The following CALN1 variants were observed in gnomAD, a reference collection of about 807,000 sequenced individuals.
CALN1 encodes calcium-binding protein 8.
A neutral mutation model predicts 30.6 loss-of-function variants in CALN1; 17 were observed. That is an observed-to-expected ratio of 0.56 (90% CI 0.38 to 0.83). The LOEUF is 0.83. Among genes scored for constraint, CALN1 ranks in the 40% least tolerant of loss-of-function variants. The pLI is 0.00. For synonymous variants in CALN1, 156 were observed against 131.4 expected, an observed-to-expected ratio of 1.19 and a Z score of -1.28; for missense variants, 291 against 354.9, an observed-to-expected ratio of 0.82 and a Z score of 1.45.
chr7:72,327,782 G>C (rs1338089680), intron 2 of CALN1, among the ~76,000 whole-genome samples: 1 of 152,138 alleles, frequency 6.6e-6, no homozygotes, highest in East Asian at 1.9e-4. Flanking sequence ...TATAAATTAT[G>C]CTTTCAGTAA....
chr7:72,369,486 C>T (rs1276922039), intron 2 of CALN1, among the ~76,000 whole-genome samples: 1 of 151,622 alleles, frequency 6.6e-6, no homozygotes. Flanking sequence ...CTCAGCCTCC[C>T]GAGTAGCTGG....
intron 2 of CALN1, among the ~76,000 whole-genome samples, chr7:72,334,447 G>A (rs1801875296): frequency 6.6e-6 from 1 of 152,058 alleles, no homozygotes; most frequent in African/African-American, 2.4e-5. Flanking sequence ...ATTTATGAAC[G>A]GATCAGAAGC....
In CALN1 at chr7:71,954,664, G is replaced by A. The variant is rs1467360884; in HGVS notation, c.501+68993C>T. 3.3e-5 allele frequency among the ~76,000 whole-genome samples: 5 copies of A among 152,044 alleles called. No homozygotes were observed. In the East Asian group the frequency reaches 7.7e-4, roughly 24 times the overall value. On this transcript the variant is annotated intron_variant, in intron 5 of 6. Transcript: ENST00000395275. ...AAGACCCTGTCTCAAACATTAAAAA[G>A]AAGATACGGATTGAGAATTGACTGT...
At chr7:71,993,158 C>A (rs958203565) in intron 5 of CALN1, among the ~76,000 whole-genome samples, 1 of 152,046 alleles carries the variant, frequency 6.6e-6, no homozygotes, top group African/African-American at 2.4e-5. Flanking sequence ...TTCCTACAGG[C>A]TGAGGATGTA....
chr7:72,413,087 TCA>T (rs1807278514), upstream of CALN1, among the ~76,000 whole-genome samples: 1 of 152,100 alleles, frequency 6.6e-6, no homozygotes, highest in African/African-American at 2.4e-5. Context: ...CTGGCAGAGA[TCA>T]CAGAGGCAGG....
chr7:72,410,982 A>C (rs902998319), intron 1 of CALN1, among the ~76,000 whole-genome samples: 2 of 152,240 alleles, frequency 1.3e-5, no homozygotes, highest in Non-Finnish European at 2.9e-5. Flanking sequence ...ATATGATTAT[A>C]TGTATGGAAA....
chr7:72,212,656 A>C (rs74916419), intron 3 of CALN1, among the ~76,000 whole-genome samples: 8,662 of 151,606 alleles, frequency 0.057, 451 homozygotes, highest in African/African-American at 0.14. Context: ...CACTACAAAG[A>C]ATAAAAAATG....
intron 5 of CALN1, among the ~76,000 whole-genome samples, chr7:71,850,873 T>C (rs1790597715): frequency 1.0e-5 from 1 of 97,270 alleles, no homozygotes; most frequent in Non-Finnish European, 1.9e-5. Context: ...CAATACATAT[T>C]TGAAATGAAT....
At chr7:71,890,288 C>G (rs1793164741) in intron 5 of CALN1, among the ~76,000 whole-genome samples, 1 of 152,264 alleles carries the variant, frequency 6.6e-6, no homozygotes, top group South Asian at 2.1e-4. Context: ...TTTTTAGGAA[C>G]AGAACCCAAG....
At chr7:72,430,525 G>C (rs1449858950) in intron 1 of CALN1, among the ~76,000 whole-genome samples, 3 of 152,076 alleles carry the variant, frequency 2.0e-5, no homozygotes, top group South Asian at 2.1e-4. Flanking sequence ...GTCAACACTT[G>C]GGATGTTGTT....
chr7:72,414,831 C>T (rs542977737), upstream of CALN1, among the ~76,000 whole-genome samples: 5 of 152,312 alleles, frequency 3.3e-5, no homozygotes, highest in East Asian at 7.7e-4. Context: ...AAATATATAT[C>T]CTGAATTCCA....
intron 3 of CALN1, among the ~76,000 whole-genome samples, chr7:72,117,468 T>C (rs936368313): frequency 6.6e-6 from 1 of 152,192 alleles, no homozygotes; most frequent in Non-Finnish European, 1.5e-5. Context: ...GTCTGCATTT[T>C]AATCTTAATG....
intron 2 of CALN1, among the ~76,000 whole-genome samples, chr7:72,325,399 G>A (rs962060026): frequency 9.2e-5 from 14 of 151,594 alleles, no homozygotes; most frequent in African/African-American, 2.4e-4. Flanking sequence ...TCAAGAGTTC[G>A]AGACCAGCCT....
At chr7:72,234,501 C>T (rs1261436706) in intron 3 of CALN1, among the ~76,000 whole-genome samples, 1 of 151,928 alleles carries the variant, frequency 6.6e-6, no homozygotes, top group African/African-American at 2.4e-5. Context: ...GGCTGGAATG[C>T]CATGGCGCGA....
rs558300905 is a variant in CALN1, at chr7:71,983,460, T to C, written c.501+40197A>G. ...TCACACATACACACACCCACATATG[T>C]GCACACACATACACACAGAGGAAGT... On this transcript the variant is annotated intron_variant, in intron 5 of 6. Transcript: ENST00000395275. Among the ~76,000 whole-genome samples the C allele has an allele frequency of 5.4e-4, 83 of 152,330 alleles. 1 individual carries two copies. In the South Asian group the frequency reaches 0.017, roughly 31 times the overall value.
intron 5 of CALN1, among the ~76,000 whole-genome samples, chr7:72,010,440 C>T (rs578046851): frequency 1.3e-5 from 2 of 152,178 alleles, no homozygotes; most frequent in South Asian, 4.2e-4. Context: ...TGAGAGAATT[C>T]AATAAGGCAG....
chr7:72,288,215 G>A (rs993541034), intron 2 of CALN1, among the ~76,000 whole-genome samples: 10 of 152,184 alleles, frequency 6.6e-5, no homozygotes, highest in South Asian at 2.1e-4. Context: ...CTTTGTTCAC[G>A]TGAGTTGGGA....
At chr7:71,929,442 C>T (rs1168251433) in intron 5 of CALN1, among the ~76,000 whole-genome samples, 11 of 152,214 alleles carry the variant, frequency 7.2e-5, no homozygotes, top group Admixed American at 7.2e-4. Context: ...CCAGCTTCAT[C>T]CATGCCTCTG....
chr7:71,867,904 TTA>T (rs1395687443), intron 5 of CALN1, among the ~76,000 whole-genome samples: 3 of 152,208 alleles, frequency 2.0e-5, no homozygotes, highest in Non-Finnish European at 2.9e-5. Context: ...GACTCAGTTC[TTA>T]CTTATTTATG....
Sources: gnomAD v4.1 joint callset for allele counts (sites outside exome capture counted in the v4.1 genomes callset) on GRCh38, gnomAD v4.1.1 for gene constraint, MANE v1.5 for transcripts, NCBI Gene and HGNC (gene_info 2026-07-23, HGNC 2026-07-21) for gene names.